The following NPAS2 variants were observed in gnomAD, a reference collection of about 807,000 sequenced individuals.
NPAS2 encodes neuronal PAS domain-containing protein 2.
Under a neutral mutation model 107.5 loss-of-function variants are expected in NPAS2, and 23 were observed. The observed-to-expected ratio is 0.21, with a 90% confidence interval of 0.15 to 0.30. The LOEUF is 0.30. Ranked by LOEUF, NPAS2 falls within the 10% of genes least tolerant of loss-of-function variation. The pLI is 1.00. For missense variants in NPAS2, 756 were observed against 1,043.3 expected, an observed-to-expected ratio of 0.72 and a Z score of 3.79; for synonymous variants, 403 against 417.5, an observed-to-expected ratio of 0.97 and a Z score of 0.42.
chr2:100,932,903 T>C lies in NPAS2; in HGVS notation c.182-7T>C. 6.2e-7 allele frequency: 1 copy of C among 1,609,342 alleles called. No homozygotes were observed. Among genetic ancestry groups the C allele is most frequent in the Admixed American group, 1.7e-5 (1 of 60,022 alleles). On this transcript the variant is annotated splice_polypyrimidine_tract_variant and splice_region_variant and intron_variant, in intron 3 of 20. Transcript: ENST00000335681. ...AATATAAAGGCTTATTTGTGTCTCT[T>C]TTCTAGAAGTCTCAGCGCAAACGGA...
In NPAS2 at chr2:100,976,998, C is replaced by T. The variant is rs1479548724; in HGVS notation, c.1393-712C>T. 3 of 151,714 alleles carry T rather than the reference C, an allele frequency of 2.0e-5. No homozygotes were observed. Among genetic ancestry groups the T allele is most frequent in the East Asian group, 1.9e-4 (1 of 5,154 alleles). The allele number at this position is 151,714 out of a possible 1,614,324, so 9.4% of individuals were successfully genotyped here. ...TATATAGGCCCTAGCAACTAGGGGC[C>T]GTGTCGGAATAACTTCAGACGAGTC... is the stretch of plus-strand genomic sequence containing the variant. On this transcript the variant is annotated intron_variant, in intron 14 of 20. Transcript: ENST00000335681. The surrounding 1 kb of genome is among the most constrained non-coding windows in gnomAD (Gnocchi z 4.1).
At chr2:100,830,880 G>C (rs187117461) in intron 1 of NPAS2, among the ~76,000 whole-genome samples, 172 of 152,302 alleles carry the variant, frequency 1.1e-3, no homozygotes, top group African/African-American at 4.1e-3. Flanking sequence ...ATCACTGCCT[G>C]TTGACAAAGT....
At chr2:100,956,052 A>G (rs1675549597) in intron 7 of NPAS2, among the ~76,000 whole-genome samples, 1 of 151,998 alleles carries the variant, frequency 6.6e-6, no homozygotes, top group South Asian at 2.1e-4. Flanking sequence ...CTACAGGCGC[A>G]TGCTATAACA....
chr2:100,970,716 G>A (rs576477115), intron 11 of NPAS2: 1 of 345,286 alleles, frequency 2.9e-6, no homozygotes. Context: ...GAGATTTCAG[G>A]GAAGTAAAAA....
Position 100,850,718 on chromosome 2 carries a change from C to T in NPAS2, c.-23+30304C>T, listed in dbSNP as rs1461373185. ...CTGTAATCCCAGCACTTTAGGAGGCCGAGGTGGGAGGATCACTTGAGATCA... is the reference window on the plus strand; with the variant it reads ...CTGTAATCCCAGCACTTTAGGAGGCTGAGGTGGGAGGATCACTTGAGATCA... On this transcript the variant is annotated intron_variant, in intron 1 of 20. Coordinates refer to ENST00000335681, the MANE Select transcript of NPAS2 (RefSeq NM_002518.4). Among the ~76,000 whole-genome samples the T allele has an allele frequency of 4.0e-5, 6 of 151,892 alleles. No individual in the cohort carries two copies. The South Asian group carries it at 6.2e-4, about 16-fold the overall frequency.
At chr2:100,923,140 A>G (rs921404254) in intron 2 of NPAS2, among the ~76,000 whole-genome samples, 3 of 152,178 alleles carry the variant, frequency 2.0e-5, no homozygotes, top group African/African-American at 7.2e-5. Context: ...ACTCCGCAAC[A>G]TCTTGCTGCC....
chr2:100,853,537 G>A (rs984814296), intron 1 of NPAS2, among the ~76,000 whole-genome samples: 1 of 152,132 alleles, frequency 6.6e-6, no homozygotes, highest in Non-Finnish European at 1.5e-5. Flanking sequence ...TTGTAACCTC[G>A]GGCCTGGAAC....
chr2:100,898,785 TAAAAAA>T (rs3042765), intron 1 of NPAS2, among the ~76,000 whole-genome samples: 3 of 144,212 alleles, frequency 2.1e-5, no homozygotes, highest in Non-Finnish European at 4.6e-5. Flanking sequence ...GTCTTTCACC[TAAAAAA>T]AAAAAAAAAC....
chr2:100,864,738 G>A (rs766208076), intron 1 of NPAS2, among the ~76,000 whole-genome samples: 3 of 152,228 alleles, frequency 2.0e-5, no homozygotes, highest in Non-Finnish European at 4.4e-5. Context: ...TAGAGCAGCA[G>A]TTCCCAAACT....
intron 5 of NPAS2, among the ~76,000 whole-genome samples, chr2:100,946,233 A>G (rs2105031277): frequency 6.6e-6 from 1 of 152,318 alleles, no homozygotes; most frequent in Non-Finnish European, 1.5e-5. Flanking sequence ...AGGAAAATGC[A>G]GCATGGAGGG....
At chr2:100,977,604 G>T in intron 14 of NPAS2, 106 bp from the exon 15 acceptor site, 1 of 908,790 alleles carries the variant, frequency 1.1e-6, no homozygotes, top group Admixed American at 1.9e-5. Context: ...ACTTGGAGCT[G>T]TTCACCCCAG....
intron 2 of NPAS2, among the ~76,000 whole-genome samples, chr2:100,919,573 C>G (rs1329247189): frequency 6.6e-6 from 1 of 152,130 alleles, no homozygotes; most frequent in Admixed American, 6.5e-5. Context: ...ACTCACTTCC[C>G]CTTTAAGTTG....
intron 1 of NPAS2, among the ~76,000 whole-genome samples, chr2:100,849,893 G>T (rs936616767): frequency 6.6e-6 from 1 of 151,716 alleles, no homozygotes; most frequent in Non-Finnish European, 1.5e-5. Flanking sequence ...ATGCTGTAAT[G>T]GTCAGGGAAA....
In NPAS2 at chr2:100,820,912, GC is replaced by G; in HGVS notation, c.-23+500del. On this transcript the variant is annotated intron_variant, in intron 1 of 20. Coordinates refer to ENST00000335681, the MANE Select transcript of NPAS2 (RefSeq NM_002518.4). This position sits in a 1 kb window ranked among gnomAD's most constrained non-coding sequence, Gnocchi z 5.6. Reference sequence around the variant, plus strand: ...GTCCCTGGGTCGGAATTGGTTCCGGGCCGGATTGGGTGCGGAATCGGTGCCC... The same window carrying G: ...GTCCCTGGGTCGGAATTGGTTCCGGGCGGATTGGGTGCGGAATCGGTGCCC... 1.6e-6 allele frequency: 1 copy of G among 609,602 alleles called. No homozygotes were observed. The allele number at this position is 609,602 out of a possible 1,614,324, so 37.8% of individuals were successfully genotyped here.
At chr2:100,874,831 G>A (rs1434552891) in intron 1 of NPAS2, among the ~76,000 whole-genome samples, 1 of 152,138 alleles carries the variant, frequency 6.6e-6, no homozygotes, top group Non-Finnish European at 1.5e-5. Flanking sequence ...AGAATGCCCA[G>A]AACCCGGGGC....
intron 16 of NPAS2, chr2:100,984,950 A>G (rs568066206): frequency 6.6e-5 from 10 of 152,102 alleles, no homozygotes; most frequent in Non-Finnish European, 1.3e-4. Context: ...GGGTCATGAA[A>G]ATGGGGCTAC....
At chr2:100,925,110 G>A (rs1217846607) in intron 2 of NPAS2, 36 bp from the exon 3 acceptor site, 3 of 1,582,084 alleles carry the variant, frequency 1.9e-6, no homozygotes, top group South Asian at 1.1e-5. Flanking sequence ...TTGTGACGTG[G>A]AATGTTCCAG....
chr2:100,819,124 A>T (rs1213084102), upstream of NPAS2, among the ~76,000 whole-genome samples: 1 of 150,490 alleles, frequency 6.6e-6, no homozygotes, highest in East Asian at 2.0e-4. The surrounding 1 kb of genome is among the most constrained non-coding windows in gnomAD (Gnocchi z 5.8). Flanking sequence ...TTTTTCTTGG[A>T]TTCTCGCCTG....
rs903800359 is a variant in NPAS2 at position 100,948,236 on chromosome 2, C to T, written c.365C>T (p.Ser122Leu). ...TTTGTCCTTTATTTTCTTTTTCAGTCGGATGTCATGGATCAGAATTTGTTA... is the reference window on the plus strand; with the variant it reads ...TTTGTCCTTTATTTTCTTTTTCAGTTGGATGTCATGGATCAGAATTTGTTA... Reference protein sequence around the residue: ...SITPLLGHLPSDVMDQNLLNF... With the variant: ...SITPLLGHLPLDVMDQNLLNF... Residue 122 changes from serine (S) to leucine (L), a missense_variant and splice_region_variant, in exon 6 of 21, where the codon TCG becomes TTG. Coordinates refer to ENST00000335681, the MANE Select transcript of NPAS2 (RefSeq NM_002518.4). The T allele has an allele frequency of 1.1e-5, 17 of 1,610,678 alleles. No homozygotes were observed. The highest frequency in any genetic ancestry group is 3.3e-5 in the South Asian group (3 of 89,634).
Sources: allele counts gnomAD v4.1 joint callset (sites outside exome capture counted in the v4.1 genomes callset), GRCh38; gene constraint gnomAD v4.1.1; non-coding constraint Gnocchi (gnomAD v3.1); transcripts MANE v1.5; gene names NCBI Gene and HGNC (gene_info 2026-07-23, HGNC 2026-07-21).